Variants in PRKD1 observed in about 807,000 individuals in gnomAD.
The protein encoded by PRKD1 is serine/threonine-protein kinase D1.
In PRKD1, 63 loss-of-function variants were observed where a neutral mutation model predicts 95.9. The observed-to-expected ratio is 0.66, with a 90% CI of 0.54 to 0.81. The LOEUF is 0.81. Ranked by LOEUF, PRKD1 falls within the 30% of genes least tolerant of loss-of-function variation. The pLI, the probability that PRKD1 is intolerant of heterozygous loss-of-function variation, is 0.00. For synonymous variants in PRKD1, 425 were observed against 423.1 expected (o/e 1.00, Z -0.05); for missense variants, 1,048 against 1,165.3 (o/e 0.90, Z 1.47).
At chr14:29,853,617 AGTG>A (rs1382207609) in intron 1 of PRKD1, among the ~76,000 whole-genome samples, 3 of 152,218 alleles carry the variant, frequency 2.0e-5, no homozygotes, top group African/African-American at 7.2e-5. Flanking sequence ...GTCATTTACC[AGTG>A]GTGAAGTTTC....
chr14:29,822,407 A>G (rs1890949773), intron 1 of PRKD1, among the ~76,000 whole-genome samples: 1 of 152,148 alleles, frequency 6.6e-6, no homozygotes, highest in Non-Finnish European at 1.5e-5. Context: ...TATTCACTTT[A>G]TGTCTTTCTA....
chr14:29,720,482 A>AC (rs1885832400), intron 2 of PRKD1, among the ~76,000 whole-genome samples: 3 of 152,078 alleles, frequency 2.0e-5, no homozygotes, highest in African/African-American at 7.2e-5. Flanking sequence ...AAACAAACAA[A>AC]AAAAATCCTG....
chr14:29,801,711 G>A (rs1890037166), intron 1 of PRKD1, among the ~76,000 whole-genome samples: 1 of 151,580 alleles, frequency 6.6e-6, no homozygotes, highest in South Asian at 2.1e-4. Flanking sequence ...TTTTTTAGAT[G>A]GAGTTTCGCT....
At chr14:29,789,953 G>A (rs1889459878) in intron 1 of PRKD1, among the ~76,000 whole-genome samples, 1 of 147,692 alleles carries the variant, frequency 6.8e-6, no homozygotes, top group African/African-American at 2.5e-5. Context: ...CATTTTCACT[G>A]TTTATTTCAT....
intron 2 of PRKD1, among the ~76,000 whole-genome samples, chr14:29,705,841 A>T (rs961867094): frequency 6.6e-6 from 1 of 152,164 alleles, no homozygotes; most frequent in Non-Finnish European, 1.5e-5. Flanking sequence ...CTGAATGGGT[A>T]TACCACATTT....
At chr14:29,662,205 T>TA (rs1490402426) in intron 4 of PRKD1, among the ~76,000 whole-genome samples, 1 of 152,176 alleles carries the variant, frequency 6.6e-6, no homozygotes, top group East Asian at 1.9e-4. Flanking sequence ...TGTTGTTTCT[T>TA]AAACTTATTT....
chr14:29,677,158 T>C (rs1042858720), intron 2 of PRKD1, among the ~76,000 whole-genome samples: 2 of 152,202 alleles, frequency 1.3e-5, no homozygotes, highest in Non-Finnish European at 2.9e-5. Flanking sequence ...ATAAGCTCAG[T>C]TTAATTTTTA....
intron 16 of PRKD1, among the ~76,000 whole-genome samples, chr14:29,588,446 A>G (rs1259549653): frequency 6.6e-6 from 1 of 152,214 alleles, no homozygotes; most frequent in African/African-American, 2.4e-5. Context: ...ATTTGAATTT[A>G]CCAAGTTGAA....
intron 1 of PRKD1, among the ~76,000 whole-genome samples, chr14:29,816,718 C>T (rs1233411098): frequency 6.6e-6 from 1 of 152,146 alleles, no homozygotes; most frequent in Non-Finnish European, 1.5e-5. Flanking sequence ...TTTAGCTTTG[C>T]TGACAGTTTT....
chr14:29,598,481 GA>G (rs1232572635), intron 15 of PRKD1, among the ~76,000 whole-genome samples: 1 of 151,996 alleles, frequency 6.6e-6, no homozygotes, highest in African/African-American at 2.4e-5. Flanking sequence ...CTTATTATGA[GA>G]AGAAGATGAA....
chr14:29,771,868 C>A (rs1416272761), intron 1 of PRKD1, among the ~76,000 whole-genome samples: 1 of 152,220 alleles, frequency 6.6e-6, no homozygotes, highest in Non-Finnish European at 1.5e-5. Context: ...AATGTTTGCC[C>A]TGTTTTGTTG....
chr14:29,726,911 C>G (rs1886179481), intron 1 of PRKD1, among the ~76,000 whole-genome samples: 1 of 151,770 alleles, frequency 6.6e-6, no homozygotes, highest in South Asian at 2.1e-4. Context: ...TGGGTATATA[C>G]CCAGTAATGG....
chr14:29,836,614 A>G (rs1330225626), intron 1 of PRKD1, among the ~76,000 whole-genome samples: 5 of 152,208 alleles, frequency 3.3e-5, no homozygotes, highest in Admixed American at 6.5e-5. Context: ...AACTGCTGAG[A>G]AACTGCAGAA....
At chr14:29,715,714 C>T (rs558905156) in intron 2 of PRKD1, among the ~76,000 whole-genome samples, 86 of 152,236 alleles carry the variant, frequency 5.6e-4, no homozygotes, top group African/African-American at 2.0e-3. Flanking sequence ...CCAAAATAAT[C>T]CCTCTTTGAA....
chr14:29,707,224 TAGAAGTTACTAGGATTACACA>T (rs925354632), intron 2 of PRKD1, among the ~76,000 whole-genome samples: 60 of 152,264 alleles, frequency 3.9e-4, no homozygotes, highest in African/African-American at 1.3e-3. Flanking sequence ...ATCCAGGCTT[TAGAAGTTACTAGGATTACACA>T]ATAGAAAAGA....
chr14:29,902,818 C>G (rs1023925972), intron 1 of PRKD1, among the ~76,000 whole-genome samples: 1 of 121,258 alleles, frequency 8.2e-6, no homozygotes, highest in African/African-American at 3.2e-5. Context: ...TTATGTATAT[C>G]ATAAGAAATT....
chr14:29,892,402 T>C (rs902545189), intron 1 of PRKD1, among the ~76,000 whole-genome samples: 1 of 148,920 alleles, frequency 6.7e-6, no homozygotes, highest in Non-Finnish European at 1.5e-5. Flanking sequence ...TGTGCCTTTT[T>C]CCACTAAATG....
chr14:29,722,630 A>C (rs1039300166), intron 2 of PRKD1, among the ~76,000 whole-genome samples: 7 of 152,232 alleles, frequency 4.6e-5, no homozygotes, highest in Non-Finnish European at 1.0e-4. Flanking sequence ...TATGGATAAC[A>C]AAAGGATGAG....
chr14:29,662,505 A>G (rs577863787), intron 4 of PRKD1, among the ~76,000 whole-genome samples: 1 of 152,266 alleles, frequency 6.6e-6, no homozygotes, highest in Non-Finnish European at 1.5e-5. Flanking sequence ...GGTGAAATTT[A>G]GTACCTGCCT....
Sources: gnomAD v4.1 joint callset for allele counts (sites outside exome capture counted in the v4.1 genomes callset) on GRCh38, gnomAD v4.1.1 for gene constraint, MANE v1.5 for transcripts, NCBI Gene and HGNC (gene_info 2026-07-23, HGNC 2026-07-21) for gene names.